PUM2: variants seen among roughly 807,000 people sequenced by gnomAD.
PUM2 encodes the protein pumilio homolog 2.
In PUM2, 57 loss-of-function variants were observed where a neutral mutation model predicts 124.5. The ratio of observed to expected loss-of-function variants is 0.46; its 90% CI spans 0.37 to 0.57. PUM2 has a LOEUF of 0.57. Among genes scored for constraint, PUM2 ranks in the 20% least tolerant of loss-of-function variants. The pLI, the probability that PUM2 is intolerant of heterozygous loss-of-function variation, is 0.00. For missense variants in PUM2, 1,065 were observed against 1,290.6 expected, an observed-to-expected ratio of 0.83 and a Z score of 2.68; for synonymous variants, 460 against 446.1, an observed-to-expected ratio of 1.03 and a Z score of -0.39.
At chr2:20,292,728 C>T (rs1403029100) in intron 9 of PUM2, among the ~76,000 whole-genome samples, 6 of 152,086 alleles carry the variant, frequency 3.9e-5, no homozygotes, top group Admixed American at 3.9e-4. Flanking sequence ...GTCGGGAGTT[C>T]AAGACCAGCC....
intron 3 of PUM2, among the ~76,000 whole-genome samples, chr2:20,315,049 G>A (rs1274391162): frequency 7.2e-6 from 1 of 139,078 alleles, no homozygotes; most frequent in Admixed American, 8.2e-5. Context: ...GCCACCAAAG[G>A]AAGTGTGCTT....
At chr2:20,283,888 C>T (rs28702608) in intron 10 of PUM2, among the ~76,000 whole-genome samples, 79 of 152,244 alleles carry the variant, frequency 5.2e-4, no homozygotes, top group African/African-American at 1.7e-3. Context: ...CATTGAAGTT[C>T]AAAATCAAGT....
At chr2:20,336,681 TTGTGTGTGTGTG>T (rs113658730) in intron 1 of PUM2, among the ~76,000 whole-genome samples, 9 of 131,486 alleles carry the variant, frequency 6.8e-5, no homozygotes, top group Non-Finnish European at 1.3e-4. Flanking sequence ...CCTGGCTAAT[TTGTGTGTGTGTG>T]TGTGTGTGTG....
At chr2:20,341,182 C>T (rs556779997) in intron 1 of PUM2, among the ~76,000 whole-genome samples, 2 of 152,168 alleles carry the variant, frequency 1.3e-5, no homozygotes, top group East Asian at 1.9e-4. Flanking sequence ...CCCCCCTCTC[C>T]CTGCCCCGCA....
At chr2:20,312,450 A>T in intron 3 of PUM2, 27 bp from the exon 4 acceptor site, 1 of 1,567,874 alleles carries the variant, frequency 6.4e-7, no homozygotes. Context: ...ACACAATTAT[A>T]TACTTATACT....
rs572664272 is a variant in PUM2, at chr2:20,350,261, A to G, written c.-19+336T>C. The G allele has an allele frequency of 5.4e-5, 9 of 167,772 alleles. No individual in the cohort carries two copies. The South Asian group carries it at 1.8e-3, about 33-fold the overall frequency. 10.4% of individuals were successfully genotyped at this position (167,772 alleles called of 1,614,324 possible). On this transcript the variant is annotated intron_variant, in intron 1 of 20. Coordinates refer to ENST00000361078, the MANE Select transcript of PUM2 (RefSeq NM_015317.5). Reference sequence around the variant, plus strand: ...GGCCTCTCCCCTCTTTCCGAACCCTAGGGCCGACAGCTCGGTCTCTAACCT... The same window carrying G: ...GGCCTCTCCCCTCTTTCCGAACCCTGGGGCCGACAGCTCGGTCTCTAACCT...
At chr2:20,318,687 C>A in intron 2 of PUM2, 42 bp from the exon 3 acceptor site, 1 of 1,380,332 alleles carries the variant, frequency 7.2e-7, no homozygotes, top group South Asian at 1.2e-5. Flanking sequence ...ATTCTAATTA[C>A]AAAGAATTAA....
At chr2:20,335,735 G>A (rs574017401) in intron 1 of PUM2, among the ~76,000 whole-genome samples, 6 of 152,246 alleles carry the variant, frequency 3.9e-5, no homozygotes, top group African/African-American at 1.2e-4. Flanking sequence ...AATGAAATTT[G>A]GCATAAAAAT....
At chr2:20,326,814 A>T (rs1459628421) in intron 2 of PUM2, among the ~76,000 whole-genome samples, 1 of 152,258 alleles carries the variant, frequency 6.6e-6, no homozygotes, top group Admixed American at 6.5e-5. Context: ...ATGAAGAACT[A>T]GAAGCCAGAT....
chr2:20,267,829 TTTCATGTTCA>T (rs1668063591), intron 13 of PUM2, among the ~76,000 whole-genome samples: 1 of 152,194 alleles, frequency 6.6e-6, no homozygotes, highest in African/African-American at 2.4e-5. Context: ...TATTTACATC[TTTCATGTTCA>T]TTCATGAGAA....
At chr2:20,292,983 G>A (rs1674581294) in intron 9 of PUM2, among the ~76,000 whole-genome samples, 1 of 152,056 alleles carries the variant, frequency 6.6e-6, no homozygotes, top group Non-Finnish European at 1.5e-5. Context: ...AAGGAAATAC[G>A]GAAAGATTCG....
At chr2:20,328,475 G>C (rs1684186136) in intron 1 of PUM2, among the ~76,000 whole-genome samples, 1 of 152,122 alleles carries the variant, frequency 6.6e-6, no homozygotes, top group Non-Finnish European at 1.5e-5. Context: ...AGGAAAATGT[G>C]ACCTAAAGGA....
chr2:20,254,436 C>T (rs752079228), intron 19 of PUM2, among the ~76,000 whole-genome samples: 52 of 152,072 alleles, frequency 3.4e-4, no homozygotes, highest in Non-Finnish European at 6.8e-4. Flanking sequence ...TGGGATTACA[C>T]GTGTGAGACA....
intron 13 of PUM2, among the ~76,000 whole-genome samples, chr2:20,265,400 T>A (rs1339380554): frequency 6.6e-6 from 1 of 152,224 alleles, no homozygotes; most frequent in Admixed American, 6.5e-5. Context: ...TTCAATACTG[T>A]CTCACTACTG....
At chr2:20,287,879 G>A (rs1480898551) in intron 10 of PUM2, among the ~76,000 whole-genome samples, 3 of 152,168 alleles carry the variant, frequency 2.0e-5, no homozygotes, top group African/African-American at 7.2e-5. Flanking sequence ...CAGTAGACAG[G>A]AAAATTTGGA....
At chr2:20,269,935 C>T (rs1289751566) in intron 13 of PUM2, among the ~76,000 whole-genome samples, 1 of 152,158 alleles carries the variant, frequency 6.6e-6, no homozygotes, top group African/African-American at 2.4e-5. Context: ...ACTTAGTTAA[C>T]ATAACATAGT....
intron 1 of PUM2, among the ~76,000 whole-genome samples, chr2:20,346,878 C>T (rs1688344517): frequency 6.6e-6 from 1 of 152,112 alleles, no homozygotes; most frequent in South Asian, 2.1e-4. Flanking sequence ...TTCTGTGGTC[C>T]CAACATATTT....
chr2:20,331,957 G>C (rs1310274164), intron 1 of PUM2: 2 of 152,182 alleles, frequency 1.3e-5, no homozygotes, highest in East Asian at 1.9e-4. Flanking sequence ...ATACCAAAAT[G>C]AATGAGCACA....
chr2:20,307,309 C>T (rs945760573), intron 7 of PUM2, among the ~76,000 whole-genome samples: 12 of 152,134 alleles, frequency 7.9e-5, no homozygotes, highest in African/African-American at 2.9e-4. Flanking sequence ...GGAAAGACAA[C>T]CCCCTTCCAT....
Sources: gnomAD v4.1 joint callset for allele counts (sites outside exome capture counted in the v4.1 genomes callset) on GRCh38, gnomAD v4.1.1 for gene constraint, MANE v1.5 for transcripts, NCBI Gene and HGNC (gene_info 2026-07-23, HGNC 2026-07-21) for gene names.